PLAC1: variants seen among roughly 807,000 people sequenced by gnomAD.
PLAC1 encodes placenta associated 1, also known as placenta-specific protein 1.
For missense variants in PLAC1, 136 were observed against 163.2 expected (o/e 0.83, Z 0.91); for synonymous variants, 68 against 62.1 (o/e 1.09, Z -0.44).
chrX:134,627,840 C>T (rs1309069197), intron 1 of PLAC1, among the ~76,000 whole-genome samples: 1 of 111,557 alleles, frequency 9.0e-6, no homozygotes, highest in Non-Finnish European at 1.9e-5. Context: ...TCTCAAGCAA[C>T]CAAGCTGTCC....
intron 1 of PLAC1, among the ~76,000 whole-genome samples, chrX:134,742,454 G>A (rs1409303719): frequency 8.9e-6 from 1 of 112,100 alleles, no homozygotes; most frequent in Non-Finnish European, 1.9e-5. Context: ...TGGGCATGGT[G>A]GCGCATGCCT....
At chrX:134,708,020 A>C (rs1206808590) in intron 2 of PLAC1, among the ~76,000 whole-genome samples, 1 of 112,192 alleles carries the variant, frequency 8.9e-6, no homozygotes, top group East Asian at 2.8e-4. Context: ...AGAATTCTAA[A>C]AAATATTCAA....
At chrX:134,603,309 A>ATT (rs2078104287) in intron 1 of PLAC1, among the ~76,000 whole-genome samples, 1 of 5,152 alleles carries the variant, frequency 1.9e-4, no homozygotes, top group African/African-American at 7.3e-4. Context: ...ATATATATAT[A>ATT]TATATTTTTT....
intron 1 of PLAC1, among the ~76,000 whole-genome samples, chrX:134,763,023 G>T (rs746441228): frequency 1.7e-4 from 19 of 110,089 alleles, no homozygotes; most frequent in Admixed American, 1.4e-3. Flanking sequence ...GAATAAAGAT[G>T]AAAAACAATA....
chrX:134,664,832 G>C (rs2078430721), intron 2 of PLAC1, among the ~76,000 whole-genome samples: 1 of 112,095 alleles, frequency 8.9e-6, no homozygotes, highest in Admixed American at 9.4e-5. Context: ...AAGAGGGCTA[G>C]AGAATGCAAT....
chrX:134,598,833 C>T (rs2078074119), intron 2 of PLAC1, among the ~76,000 whole-genome samples: 1 of 111,427 alleles, frequency 9.0e-6, no homozygotes, highest in African/African-American at 3.3e-5. Flanking sequence ...GAGGGAAACA[C>T]CATGAGTTTG....
chrX:134,627,937 G>A (rs2078243688), intron 1 of PLAC1, among the ~76,000 whole-genome samples: 1 of 111,700 alleles, frequency 9.0e-6, no homozygotes, highest in South Asian at 3.8e-4. Flanking sequence ...CCACTGACTA[G>A]CTGTCTGACT....
At chrX:134,650,959 A>G (rs370282034) in intron 1 of PLAC1, 22 of 225,656 alleles carry the variant, frequency 9.7e-5, no homozygotes, top group African/African-American at 6.1e-4. Flanking sequence ...AGGGAGCTGA[A>G]TATCACAGCA....
At chrX:134,735,620 T>C (rs2078700908) in intron 1 of PLAC1, among the ~76,000 whole-genome samples, 1 of 108,264 alleles carries the variant, frequency 9.2e-6, no homozygotes, top group Admixed American at 9.9e-5. Context: ...AGGTCATGGC[T>C]AGCAGGGAAG....
chrX:134,687,284 A>C (rs1251024373), intron 2 of PLAC1, among the ~76,000 whole-genome samples: 5 of 111,935 alleles, frequency 4.5e-5, no homozygotes, highest in Non-Finnish European at 3.8e-5. Context: ...CCTTTAGGCC[A>C]AGCTTGTCCA....
intron 1 of PLAC1, among the ~76,000 whole-genome samples, chrX:134,742,816 C>T (rs1026511801): frequency 1.8e-5 from 2 of 110,693 alleles, no homozygotes; most frequent in African/African-American, 6.6e-5. Flanking sequence ...CCTGTCTTTC[C>T]CCTTTTAGGG....
At position 134,566,138 on chromosome X, in the gene PLAC1, C is replaced by A. The variant is rs1203180825; in HGVS notation, c.545G>T (p.Gly182Val). The A allele has an allele frequency of 1.7e-6, 2 of 1,210,274 alleles. No homozygotes were observed. The highest frequency in any genetic ancestry group is 4.3e-5 in the Admixed American group (2 of 46,064). The change falls in exon 3 of 3, where the codon GGG becomes GTG. Residue 182 changes from glycine (G) to valine (V), a missense_variant. Physicochemically the swap from Gly to Val is moderately radical, Grantham distance 109. Transcript: ENST00000359237. Reference protein sequence around the residue: ...EHTQVPCHQAGAQEAQPLQPS... With the variant: ...EHTQVPCHQAVAQEAQPLQPS... ...CTGCAGAGGTTGAGCCTCCTGAGCCCCTGCTTGGTGACAAGGGACCTGGGT... is the reference window on the plus strand; with the variant it reads ...CTGCAGAGGTTGAGCCTCCTGAGCCACTGCTTGGTGACAAGGGACCTGGGT...
At chrX:134,630,741 C>T (rs1474734330) in intron 1 of PLAC1, among the ~76,000 whole-genome samples, 1 of 112,018 alleles carries the variant, frequency 8.9e-6, no homozygotes, top group East Asian at 2.8e-4. Context: ...GGCCAAGCTA[C>T]TCAATTTCTC....
chrX:134,665,997 T>C (rs1408129761), intron 2 of PLAC1, among the ~76,000 whole-genome samples: 2 of 111,332 alleles, frequency 1.8e-5, no homozygotes, highest in Non-Finnish European at 3.8e-5. Context: ...GACTGTCAAG[T>C]AACCACACTC....
chrX:134,700,189 A>C (rs1036431609), intron 2 of PLAC1, among the ~76,000 whole-genome samples: 2 of 111,916 alleles, frequency 1.8e-5, no homozygotes, highest in African/African-American at 6.5e-5. Flanking sequence ...ATCTGAAATT[A>C]ACTATCTGGT....
At chrX:134,715,094 T>G (rs2078639605) in intron 2 of PLAC1, among the ~76,000 whole-genome samples, 1 of 112,088 alleles carries the variant, frequency 8.9e-6, no homozygotes, top group Admixed American at 9.5e-5. Context: ...CTTGGCACAC[T>G]TTATGGCATT....
intron 1 of PLAC1, among the ~76,000 whole-genome samples, chrX:134,636,526 G>A (rs1163501831): frequency 8.9e-6 from 1 of 112,376 alleles, no homozygotes; most frequent in Admixed American, 9.4e-5. Flanking sequence ...GTATACAGTT[G>A]AAGCCAAATG....
chrX:134,716,999 T>C (rs1055929244), intron 2 of PLAC1, among the ~76,000 whole-genome samples: 5 of 112,139 alleles, frequency 4.5e-5, no homozygotes, highest in African/African-American at 1.6e-4. Context: ...AGTAAAATGA[T>C]AGCAATTTTC....
At chrX:134,674,364 G>C (rs931102572) in intron 2 of PLAC1, among the ~76,000 whole-genome samples, 14 of 112,311 alleles carry the variant, frequency 1.2e-4, no homozygotes, top group Non-Finnish European at 2.6e-4. Context: ...AATGCCAAGA[G>C]AGCCTCCAGC....
Sources: allele counts gnomAD v4.1 joint callset (sites outside exome capture counted in the v4.1 genomes callset), GRCh38; gene constraint gnomAD v4.1.1; transcripts MANE v1.5; gene names NCBI Gene and HGNC (gene_info 2026-07-23, HGNC 2026-07-21).